ABCB5: variants seen among roughly 807,000 people sequenced by gnomAD.
ABCB5 encodes the protein ATP binding cassette subfamily B member 5, also known as ATP-binding cassette sub-family B member 5.
In ABCB5, 155 loss-of-function variants were observed where a neutral mutation model predicts 144.2. The ratio of observed to expected loss-of-function variants is 1.08; its 90% confidence interval spans 0.94 to 1.23. The LOEUF (loss-of-function observed/expected upper bound fraction) is 1.23. ABCB5 is among the 50% of genes most tolerant of loss of function. The pLI is 0.00. For missense variants in ABCB5, 1,830 were observed against 1,520.8 expected (o/e 1.20, Z -3.38); for synonymous variants, 610 against 528.6 (o/e 1.15, Z -2.11).
At chr7:20,681,436 T>G in intron 14 of ABCB5, 69 bp from the exon 15 acceptor site, 1 of 1,540,464 alleles carries the variant, frequency 6.5e-7, no homozygotes, top group Non-Finnish European at 8.8e-7. Flanking sequence ...CAACAAAGAT[T>G]TCTTAAACAG....
chr7:20,670,022 A>T (rs749554420), intron 14 of ABCB5, among the ~76,000 whole-genome samples: 3 of 152,224 alleles, frequency 2.0e-5, no homozygotes, highest in Non-Finnish European at 4.4e-5. Context: ...GACAAATCAG[A>T]CGAACTCAAA....
intron 1 of ABCB5, among the ~76,000 whole-genome samples, chr7:20,618,657 A>T (rs1783738978): frequency 1.3e-5 from 2 of 151,972 alleles, no homozygotes; most frequent in Non-Finnish European, 2.9e-5. Flanking sequence ...CAGTGAAAAC[A>T]TACAACATTT....
intron 23 of ABCB5, among the ~76,000 whole-genome samples, chr7:20,736,965 G>T (rs1235842579): frequency 6.6e-6 from 1 of 152,092 alleles, no homozygotes; most frequent in Non-Finnish European, 1.5e-5. Flanking sequence ...CGAGGCAGGC[G>T]GATCACTAGG....
intron 17 of ABCB5, among the ~76,000 whole-genome samples, 200 bp downstream of exon 17, chr7:20,698,750 C>G (rs1048400326): frequency 6.6e-6 from 1 of 152,156 alleles, no homozygotes; most frequent in Non-Finnish European, 1.5e-5. Context: ...GTGGCCGGGC[C>G]TTGTTGACTG....
intron 14 of ABCB5, chr7:20,660,428 T>C (rs1784967120): frequency 1.0e-6 from 1 of 984,130 alleles, no homozygotes; most frequent in African/African-American, 1.7e-5. Flanking sequence ...GTTTGCTGGG[T>C]CAGGATAAAG....
intron 4 of ABCB5, among the ~76,000 whole-genome samples, chr7:20,631,100 G>C (rs17143197): frequency 6.6e-6 from 1 of 151,928 alleles, no homozygotes; most frequent in Non-Finnish European, 1.5e-5. Flanking sequence ...ATTAGTTGGG[G>C]ATCCATTTTT....
At chr7:20,659,219 T>G in intron 14 of ABCB5, 3 of 1,584,886 alleles carry the variant, frequency 1.9e-6, no homozygotes, top group Non-Finnish European at 2.6e-6. Context: ...CCATATGCAG[T>G]TGTGGCCCTG....
intron 13 of ABCB5, among the ~76,000 whole-genome samples, chr7:20,655,541 T>C (rs1410905404): frequency 7.6e-6 from 1 of 131,210 alleles, no homozygotes; most frequent in African/African-American, 2.9e-5. Flanking sequence ...ACAAATGAAA[T>C]TAAAATAAAA....
intron 4 of ABCB5, among the ~76,000 whole-genome samples, chr7:20,631,672 T>C (rs1257297240): frequency 1.3e-5 from 2 of 152,106 alleles, no homozygotes; most frequent in African/African-American, 4.8e-5. Context: ...ATGTTCTTGC[T>C]TTTTTTGGAC....
Position 20,755,472 on chromosome 7 carries a change from C to CT in ABCB5, c.3623dup (p.Val1209SerfsTer41). Reference sequence around the variant, plus strand: ...TAAAGCCAGGACGGGAAGGACATGCCTAGTGGTCACTCACAGGCTCTCTGC... The same window carrying CT: ...TAAAGCCAGGACGGGAAGGACATGCCTTAGTGGTCACTCACAGGCTCTCTGC... On this transcript the variant is annotated frameshift_variant, in exon 28 of 28. Coordinates refer to ENST00000404938, the MANE Select transcript of ABCB5 (RefSeq NM_001163941.2). LOFTEE classifies it high-confidence loss of function. 3 of 1,614,158 alleles carry CT rather than the reference C, an allele frequency of 1.9e-6. No homozygotes were observed. The highest frequency in any genetic ancestry group is 2.5e-6 in the Non-Finnish European group (3 of 1,180,044).
intron 20 of ABCB5, among the ~76,000 whole-genome samples, chr7:20,717,333 G>A (rs900932999): frequency 2.0e-5 from 3 of 152,012 alleles, no homozygotes; most frequent in Non-Finnish European, 2.9e-5. Flanking sequence ...ATGTCCGCAC[G>A]ATTGGGTTTT....
intron 20 of ABCB5, among the ~76,000 whole-genome samples, chr7:20,715,091 C>T (rs10280562): frequency 1.3e-5 from 2 of 152,162 alleles, no homozygotes; most frequent in Non-Finnish European, 2.9e-5. Flanking sequence ...GTTGCCCAAG[C>T]TGGAGTGCAG....
intron 11 of ABCB5, among the ~76,000 whole-genome samples, chr7:20,648,830 G>A (rs1417937038): frequency 2.6e-5 from 4 of 151,894 alleles, no homozygotes; most frequent in South Asian, 2.1e-4. Context: ...AACTTTGATC[G>A]AAATTCTCTT....
In ABCB5 at chr7:20,651,326, C is replaced by A. The variant is rs1032577773; in HGVS notation, c.1333-94C>A. 36 of 1,084,138 alleles carry A rather than the reference C, an allele frequency of 3.3e-5. No individual in the cohort carries two copies. In the African/African-American group the frequency reaches 4.6e-4, roughly 14 times the overall value. 67.2% of individuals were successfully genotyped at this position (1,084,138 alleles called of 1,614,324 possible). On this transcript the variant is annotated intron_variant, in intron 12 of 27. Transcript: ENST00000404938. ...GTCAGTCTTTGATTTCTAAAATATGCTACTTCTCAGCTTATATTTTGGTCT... is the reference window on the plus strand; with the variant it reads ...GTCAGTCTTTGATTTCTAAAATATGATACTTCTCAGCTTATATTTTGGTCT...
chr7:20,726,747 T>C (rs998347141), intron 21 of ABCB5, among the ~76,000 whole-genome samples: 1 of 152,220 alleles, frequency 6.6e-6, no homozygotes, highest in African/African-American at 2.4e-5. Flanking sequence ...TAATGTTTTA[T>C]TCTTCTGTCT....
chr7:20,689,784 T>C (rs1786149948), intron 16 of ABCB5, among the ~76,000 whole-genome samples: 1 of 152,162 alleles, frequency 6.6e-6, no homozygotes, highest in African/African-American at 2.4e-5. Context: ...GGGCTTAACC[T>C]CTTGCCCACT....
intron 19 of ABCB5, among the ~76,000 whole-genome samples, chr7:20,703,139 A>G (rs530417154): frequency 6.6e-6 from 1 of 152,260 alleles, no homozygotes; most frequent in South Asian, 2.1e-4. Context: ...AATTCTTTTC[A>G]TATTTTTTAC....
At chr7:20,716,974 A>C (rs540279536) in intron 20 of ABCB5, among the ~76,000 whole-genome samples, 3 of 152,172 alleles carry the variant, frequency 2.0e-5, no homozygotes, top group Non-Finnish European at 2.9e-5. Context: ...TAGATGGCCA[A>C]ACACCTACCG....
chr7:20,686,596 G>C (rs1386571992), intron 16 of ABCB5, among the ~76,000 whole-genome samples: 1 of 152,084 alleles, frequency 6.6e-6, no homozygotes, highest in Non-Finnish European at 1.5e-5. Flanking sequence ...CATTCACTGA[G>C]CTCCAGCCCT....
Sources: allele counts gnomAD v4.1 joint callset (sites outside exome capture counted in the v4.1 genomes callset), GRCh38; gene constraint gnomAD v4.1.1; transcripts MANE v1.5; gene names NCBI Gene and HGNC (gene_info 2026-07-23, HGNC 2026-07-21).